MYO5B: variants seen among roughly 807,000 people sequenced by gnomAD.
MYO5B encodes the protein unconventional myosin-Vb.
A neutral mutation model predicts 229.3 loss-of-function variants in MYO5B; 143 were observed. That is an observed-to-expected ratio of 0.62 (90% CI 0.54 to 0.72). MYO5B has a LOEUF of 0.72. Among genes scored for constraint, MYO5B ranks in the 30% least tolerant of loss-of-function variants. The pLI is 0.00. For synonymous variants in MYO5B, 918 were observed against 885.2 expected (o/e 1.04, Z -0.66); for missense variants, 2,321 against 2,331.0 (o/e 1.00, Z 0.09).
At chr18:49,928,512 T>G (rs947839336) in intron 17 of MYO5B, among the ~76,000 whole-genome samples, 1 of 152,130 alleles carries the variant, frequency 6.6e-6, no homozygotes, top group African/African-American at 2.4e-5. Context: ...GATGTGGTGG[T>G]GCACACCTGT....
intron 22 of MYO5B, among the ~76,000 whole-genome samples, chr18:49,882,768 T>C (rs1430208685): frequency 6.6e-6 from 1 of 151,992 alleles, no homozygotes; most frequent in Non-Finnish European, 1.5e-5. Context: ...TTACTCTTAC[T>C]GGGCATGAAA....
chr18:50,120,137 A>C (rs1206982575), intron 1 of MYO5B, among the ~76,000 whole-genome samples: 1 of 152,274 alleles, frequency 6.6e-6, no homozygotes, highest in African/African-American at 2.4e-5. Context: ...TATGATATAG[A>C]CAGAAGGAAC....
chr18:50,003,880 G>C (rs2026073261), intron 4 of MYO5B, among the ~76,000 whole-genome samples: 1 of 152,194 alleles, frequency 6.6e-6, no homozygotes, highest in African/African-American at 2.4e-5. Flanking sequence ...GCAACACACA[G>C]ATGTCAGGAG....
At chr18:49,963,129 A>C in intron 10 of MYO5B, 99 bp from the exon 11 acceptor site, 1 of 899,098 alleles carries the variant, frequency 1.1e-6, no homozygotes, top group South Asian at 1.3e-5. Flanking sequence ...CCCCGATGCC[A>C]CTACAGAATC....
intron 4 of MYO5B, among the ~76,000 whole-genome samples, chr18:50,029,180 C>T (rs1247042184): frequency 1.3e-5 from 2 of 152,142 alleles, no homozygotes; most frequent in African/African-American, 2.4e-5. Flanking sequence ...GGATCAAAAA[C>T]AATTTCACAA....
intron 4 of MYO5B, among the ~76,000 whole-genome samples, chr18:50,017,248 G>T (rs2026225665): frequency 6.6e-6 from 1 of 152,130 alleles, no homozygotes; most frequent in Non-Finnish European, 1.5e-5. Flanking sequence ...CTCCCGAGTG[G>T]CTGGGATTAC....
intron 1 of MYO5B, among the ~76,000 whole-genome samples, chr18:50,082,603 G>GA (rs2031244640): frequency 6.6e-6 from 1 of 152,096 alleles, no homozygotes; most frequent in African/African-American, 2.4e-5. Context: ...TACCTCAAGG[G>GA]AATGTGCAGC....
At position 49,904,745 on chromosome 18, in the gene MYO5B, T is replaced by C. The variant is rs768760965; in HGVS notation, c.2498A>G (p.Gln833Arg). Residue 833 changes from glutamine to arginine, a missense_variant, in exon 20 of 40, where the codon CAG becomes CGG. Gln to Arg is a conservative substitution (Grantham distance 43, BLOSUM62 1). Around this residue, in one of 2 missense-constraint regions of MYO5B, gnomAD observed 2,113 missense variants for 2,044.7 expected, o/e 1.03. Transcript: ENST00000285039. ...AACAACGGCAGCTCTGCGGACCCTC[T>C]GGTAGGCCTGGCGGGCCCTCTGCAT... ...YRMQRARQAY[Q>R]RVRRAAVVIQ... 1.2e-6 allele frequency: 2 copies of C among 1,614,060 alleles called. No homozygotes were observed. The highest frequency in any genetic ancestry group is 1.7e-6 in the Non-Finnish European group (2 of 1,180,044).
chr18:49,992,262 A>T, intron 6 of MYO5B, 26 bp downstream of exon 6: 1 of 1,614,122 alleles, frequency 6.2e-7, no homozygotes, highest in African/African-American at 1.3e-5. Flanking sequence ...AGAAATACAC[A>T]AAAGGGCGCA....
intron 4 of MYO5B, among the ~76,000 whole-genome samples, chr18:50,004,302 T>C (rs1223838202): frequency 6.6e-6 from 1 of 152,152 alleles, no homozygotes; most frequent in Non-Finnish European, 1.5e-5. Context: ...GGTGTTCTGA[T>C]AAAAGTGGAC....
At chr18:50,149,895 A>G (rs1181027993) in intron 1 of MYO5B, among the ~76,000 whole-genome samples, 12 of 147,688 alleles carry the variant, frequency 8.1e-5, no homozygotes, top group Non-Finnish European at 1.5e-4. Context: ...GTGAACAGGC[A>G]ACCTACAAAA....
chr18:49,993,358 C>T (rs2025953301), intron 5 of MYO5B, among the ~76,000 whole-genome samples: 1 of 151,842 alleles, frequency 6.6e-6, no homozygotes, highest in African/African-American at 2.4e-5. Flanking sequence ...CTATTAGTGT[C>T]GCCTGACATC....
At chr18:49,882,192 C>A (rs1277181969) in intron 22 of MYO5B, among the ~76,000 whole-genome samples, 1 of 152,152 alleles carries the variant, frequency 6.6e-6, no homozygotes, top group Non-Finnish European at 1.5e-5. Flanking sequence ...GATCTCCCTT[C>A]CCCCACGGCT....
intron 2 of MYO5B, among the ~76,000 whole-genome samples, chr18:50,053,703 T>C (rs2030466076): frequency 6.6e-6 from 1 of 152,224 alleles, no homozygotes; most frequent in Admixed American, 6.5e-5. Context: ...GCTCATGTTC[T>C]GGGTTTACCA....
chr18:49,932,017 CT>C lies in MYO5B; in HGVS notation c.2004-2420del, dbSNP rs553634698. 2.0e-4 allele frequency among the ~76,000 whole-genome samples: 30 copies of C among 152,348 alleles called. No individual in the cohort carries two copies. The South Asian group carries it at 3.7e-3, about 19-fold the overall frequency. On this transcript the variant is annotated intron_variant, in intron 16 of 39. Transcript: ENST00000285039. ...AGCGTGTTCAGGAGCATCTGGGACC[CT>C]TAGGTCCCACATGGGCTATGGGACC...
chr18:50,049,516 G>A (rs756612481), intron 2 of MYO5B, among the ~76,000 whole-genome samples: 31 of 152,122 alleles, frequency 2.0e-4, no homozygotes, highest in Non-Finnish European at 2.2e-4. Context: ...TCCTAACTTG[G>A]TGTACTCCAG....
intron 39 of MYO5B, among the ~76,000 whole-genome samples, chr18:49,835,123 G>A (rs1320209721): frequency 6.6e-6 from 1 of 152,182 alleles, no homozygotes; most frequent in Non-Finnish European, 1.5e-5. Flanking sequence ...AATCTGAGAG[G>A]CAGAGATGAT....
At chr18:50,075,733 C>T (rs982233090) in intron 1 of MYO5B, among the ~76,000 whole-genome samples, 2 of 152,212 alleles carry the variant, frequency 1.3e-5, no homozygotes, top group African/African-American at 4.8e-5. Context: ...CCCAAGTCCC[C>T]TGAAAACAAG....
chr18:50,085,908 A>G (rs1295279012), intron 1 of MYO5B, among the ~76,000 whole-genome samples: 3 of 151,306 alleles, frequency 2.0e-5, no homozygotes, highest in African/African-American at 7.3e-5. Context: ...CACTCTGGGG[A>G]CTGTTGTGGG....
Sources: gnomAD v4.1 joint callset for allele counts (sites outside exome capture counted in the v4.1 genomes callset) on GRCh38, gnomAD v4.1.1 for gene constraint, gnomAD v4.1.1 regional missense constraint, MANE v1.5 for transcripts, NCBI Gene and HGNC (gene_info 2026-07-23, HGNC 2026-07-21) for gene names.